The following GLI2 variants were observed in gnomAD, a reference collection of about 807,000 sequenced individuals.
GLI2 encodes the protein transcription activator GLI2.
Under a neutral mutation model 78.9 loss-of-function variants are expected in GLI2, and 22 were observed. The observed-to-expected ratio is 0.28, with a 90% CI of 0.20 to 0.40. The LOEUF (loss-of-function observed/expected upper bound fraction) is 0.40. GLI2 is among the 10% of genes least tolerant of loss of function. The pLI is 1.00. For synonymous variants in GLI2, 974 were observed against 963.7 expected, an observed-to-expected ratio of 1.01 and a Z score of -0.20; for missense variants, 2,097 against 2,213.2, an observed-to-expected ratio of 0.95 and a Z score of 1.05.
intron 2 of GLI2, among the ~76,000 whole-genome samples, chr2:120,898,177 AAC>A (rs55794893): frequency 0.012 from 1,749 of 140,142 alleles, 11 homozygotes; most frequent in East Asian, 0.027. Context: ...TATAGATTAA[AAC>A]ACACACACAC....
At chr2:120,748,853 CTCCATCCA>C (rs71671803) in intron 1 of GLI2, among the ~76,000 whole-genome samples, 19,939 of 150,502 alleles carry the variant, frequency 0.13, 2,221 homozygotes, top group African/African-American at 0.29. Context: ...ATCTTGCATT[CTCCATCCA>C]TCCATCCATC....
intron 3 of GLI2, among the ~76,000 whole-genome samples, chr2:120,930,756 A>G (rs1679911072): frequency 6.6e-6 from 1 of 152,214 alleles, no homozygotes; most frequent in Admixed American, 6.5e-5. Context: ...CCAGCTTGAC[A>G]GCCCTGGCTA....
chr2:120,890,792 C>T (rs912010833), intron 2 of GLI2, among the ~76,000 whole-genome samples: 2 of 152,170 alleles, frequency 1.3e-5, no homozygotes, highest in East Asian at 1.9e-4. Context: ...GGGCCTCCTT[C>T]GGGACATCTA....
intron 1 of GLI2, among the ~76,000 whole-genome samples, chr2:120,756,307 A>G (rs915732347): frequency 6.6e-6 from 1 of 152,166 alleles, no homozygotes; most frequent in Admixed American, 6.5e-5. Flanking sequence ...GATTTATTCT[A>G]AGATATTTTA....
chr2:120,963,419 G>T (rs1480914895), intron 5 of GLI2, among the ~76,000 whole-genome samples: 2 of 152,242 alleles, frequency 1.3e-5, no homozygotes, highest in East Asian at 1.9e-4. Flanking sequence ...AGTGGCAGAG[G>T]CTGTGTGCCT....
In GLI2 at chr2:120,851,572, C is replaced by T. The variant is rs182904494; in HGVS notation, c.148+54104C>T. Among the ~76,000 whole-genome samples, 749 of 152,338 alleles carry T rather than the reference C, an allele frequency of 4.9e-3. 7 individuals are homozygous for T. The highest frequency in any genetic ancestry group is 7.8e-3 in the Non-Finnish European group (528 of 68,030). The stretch of plus-strand genomic sequence containing the variant: ...GCCTGTGACTTAGGCCTGGTCCCTG[C>T]CCTTGGGGCCTGGCTGGTACTGAAC... On this transcript the variant is annotated intron_variant, in intron 2 of 13. Coordinates refer to ENST00000361492, the MANE Select transcript of GLI2 (RefSeq NM_001374353.1).
chr2:120,871,101 GCAGT>G (rs2104675398), intron 2 of GLI2, among the ~76,000 whole-genome samples: 1 of 152,338 alleles, frequency 6.6e-6, no homozygotes, highest in East Asian at 1.9e-4. Context: ...GGAGAATAAG[GCAGT>G]CCTTTTCTTA....
intron 2 of GLI2, among the ~76,000 whole-genome samples, chr2:120,826,891 TG>T (rs1686091259): frequency 6.6e-6 from 1 of 152,194 alleles, no homozygotes; most frequent in African/African-American, 2.4e-5. Context: ...CTTCAAATGC[TG>T]GCACATTCTC....
chr2:120,946,999 G>A (rs1163149687), intron 3 of GLI2, among the ~76,000 whole-genome samples: 1 of 152,378 alleles, frequency 6.6e-6, no homozygotes, highest in Non-Finnish European at 1.5e-5. Context: ...TCACAACATA[G>A]TGGGGTTGGG....
At chr2:120,942,827 C>T (rs1008012173) in intron 3 of GLI2, among the ~76,000 whole-genome samples, 4 of 144,360 alleles carry the variant, frequency 2.8e-5, no homozygotes, top group Non-Finnish European at 5.9e-5. Context: ...CGTTCACGCC[C>T]TCACTCATTC....
intron 2 of GLI2, among the ~76,000 whole-genome samples, chr2:120,909,904 G>T (rs1678732139): frequency 6.6e-6 from 1 of 152,200 alleles, no homozygotes; most frequent in African/African-American, 2.4e-5. Flanking sequence ...CACTTTACAG[G>T]TGGGGACCCC....
At chr2:120,845,076 C>G (rs1687050357) in intron 2 of GLI2, among the ~76,000 whole-genome samples, 1 of 152,016 alleles carries the variant, frequency 6.6e-6, no homozygotes, top group Non-Finnish European at 1.5e-5. Context: ...AGTTCGAGAC[C>G]AGTCTGGCCA....
chr2:120,955,605 G>T (rs1283267624), intron 5 of GLI2, among the ~76,000 whole-genome samples, 175 bp downstream of exon 5: 1 of 152,220 alleles, frequency 6.6e-6, no homozygotes, highest in Non-Finnish European at 1.5e-5. Context: ...AACACTTACT[G>T]AGTCACCACA....
chr2:120,818,712 C>T lies in GLI2; in HGVS notation c.148+21244C>T, dbSNP rs889336814. Among the ~76,000 whole-genome samples the T allele has an allele frequency of 2.6e-5, 4 of 152,212 alleles. No individual in the cohort carries two copies. In the South Asian group the frequency reaches 6.2e-4, roughly 24 times the overall value. ...CAGTGTCTCCGCCCAGGCCCTGTGC[C>T]CTGCCAAATCCCAAGGCTCCTTCAA... On this transcript the variant is annotated intron_variant, in intron 2 of 13. Transcript: ENST00000361492.
At chr2:120,741,628 C>T (rs1197719312) in intron 1 of GLI2, among the ~76,000 whole-genome samples, 1 of 152,112 alleles carries the variant, frequency 6.6e-6, no homozygotes, top group Non-Finnish European at 1.5e-5. Flanking sequence ...TCCCCGCCCC[C>T]GCCGTCTGGA....
At chr2:120,741,212 T>A (rs929809643) in intron 1 of GLI2, among the ~76,000 whole-genome samples, 2 of 152,152 alleles carry the variant, frequency 1.3e-5, no homozygotes, top group East Asian at 3.9e-4. Flanking sequence ...GCAAAGCCCC[T>A]GATGTGATTA....
chr2:120,824,519 C>T (rs1031283995), intron 2 of GLI2, among the ~76,000 whole-genome samples: 10 of 152,220 alleles, frequency 6.6e-5, no homozygotes, highest in South Asian at 2.1e-4. Context: ...GGCAGAATGG[C>T]GGCTCCAGAG....
At chr2:120,849,725 G>C (rs1687311145) in intron 2 of GLI2, among the ~76,000 whole-genome samples, 1 of 152,168 alleles carries the variant, frequency 6.6e-6, no homozygotes, top group African/African-American at 2.4e-5. Context: ...TCTGAAGAAA[G>C]GCTGCTATGT....
chr2:120,912,309 G>C (rs1678864800), intron 2 of GLI2, among the ~76,000 whole-genome samples: 1 of 142,812 alleles, frequency 7.0e-6, no homozygotes, highest in Non-Finnish European at 1.5e-5. Flanking sequence ...GGAAGGCTTT[G>C]GCATGTTTTC....
Sources: allele counts gnomAD v4.1 joint callset (sites outside exome capture counted in the v4.1 genomes callset), GRCh38; gene constraint gnomAD v4.1.1; transcripts MANE v1.5; gene names NCBI Gene and HGNC (gene_info 2026-07-23, HGNC 2026-07-21).